Variants in C8orf34 observed in about 807,000 individuals in gnomAD.
The protein encoded by C8orf34 is chromosome 8 open reading frame 34, also known as uncharacterized protein C8orf34.
C8orf34 carries 65 observed loss-of-function variants against 68.3 expected under a neutral mutation model. The ratio of observed to expected loss-of-function variants is 0.95; its 90% CI spans 0.78 to 1.17. The LOEUF is 1.17. C8orf34 is among the 50% of genes most tolerant of loss of function. The pLI is 0.00. For synonymous variants in C8orf34, 244 were observed against 241.2 expected, an observed-to-expected ratio of 1.01 and a Z score of -0.11; for missense variants, 664 against 655.4, an observed-to-expected ratio of 1.01 and a Z score of -0.14.
chr8:68,595,120 T>A (rs906922933), intron 7 of C8orf34, among the ~76,000 whole-genome samples: 1 of 133,456 alleles, frequency 7.5e-6, no homozygotes. Flanking sequence ...TTAAAAATGG[T>A]AAAAAAAAAA....
At chr8:68,730,592 A>G (rs553118403) in intron 10 of C8orf34, among the ~76,000 whole-genome samples, 1 of 152,266 alleles carries the variant, frequency 6.6e-6, no homozygotes, top group Non-Finnish European at 1.5e-5. Flanking sequence ...ACATTTGCAT[A>G]GGGAAAAAAT....
chr8:68,604,573 T>C (rs1372061275), intron 7 of C8orf34, among the ~76,000 whole-genome samples: 1 of 152,138 alleles, frequency 6.6e-6, no homozygotes, highest in Non-Finnish European at 1.5e-5. Context: ...AACTGATCTT[T>C]GACAAAGATG....
rs7837452 is a variant in C8orf34, at chr8:68,732,211, G to C, written c.1404+10774G>C. On this transcript the variant is annotated intron_variant, in intron 10 of 13. Transcript: ENST00000518698. ...AGTTCTTAATACATTCCAGAGGAAG[G>C]CCATTAGGCATATTTACCAGGAATC... Among the ~76,000 whole-genome samples the C allele has an allele frequency of 5.9e-3, 895 of 152,284 alleles. 3 individuals are homozygous for C. Among genetic ancestry groups the C allele is most frequent in the African/African-American group, 0.02 (812 of 41,560 alleles).
At chr8:68,749,539 C>G (rs6982047) in intron 10 of C8orf34, among the ~76,000 whole-genome samples, 4 of 149,354 alleles carry the variant, frequency 2.7e-5, no homozygotes, top group African/African-American at 9.8e-5. Flanking sequence ...CATCATAATG[C>G]AGTTTGAAGA....
intron 3 of C8orf34, among the ~76,000 whole-genome samples, chr8:68,456,385 T>C (rs564687012): frequency 1.2e-3 from 184 of 152,292 alleles, no homozygotes; most frequent in African/African-American, 4.1e-3. Context: ...GAATGTAATA[T>C]CTTCAGTGCA....
At chr8:68,448,494 G>C (rs1474409069) in intron 3 of C8orf34, among the ~76,000 whole-genome samples, 1 of 152,104 alleles carries the variant, frequency 6.6e-6, no homozygotes, top group Admixed American at 6.6e-5. Flanking sequence ...ATGAGTTAAA[G>C]ATGCATTTTT....
At position 68,533,530 on chromosome 8, in the gene C8orf34, C is replaced by T. The variant is rs369686962; in HGVS notation, c.1105+381C>T. The T allele has an allele frequency of 5.5e-5, 54 of 987,294 alleles. 1 individual carries two copies. The East Asian group carries it at 5.5e-3, about 100-fold the overall frequency. The allele number at this position is 987,294 out of a possible 1,614,324, so 61.2% of individuals were successfully genotyped here. On this transcript the variant is annotated intron_variant, in intron 7 of 13. Coordinates refer to ENST00000518698, the MANE Select transcript of C8orf34 (RefSeq NM_052958.4). ...CCCAAAGTACATATTTCAGCCCTCACTCCAAAATGTCTACCTTTTATTTTG... is the reference window on the plus strand; with the variant it reads ...CCCAAAGTACATATTTCAGCCCTCATTCCAAAATGTCTACCTTTTATTTTG...
At chr8:68,746,544 A>C (rs1232978251) in intron 10 of C8orf34, among the ~76,000 whole-genome samples, 1 of 128,004 alleles carries the variant, frequency 7.8e-6, no homozygotes, top group Admixed American at 8.4e-5. Context: ...AAAAATGATA[A>C]AGGGGATATC....
At chr8:68,547,825 G>C (rs765928111) in intron 7 of C8orf34, among the ~76,000 whole-genome samples, 4 of 151,710 alleles carry the variant, frequency 2.6e-5, no homozygotes, top group Non-Finnish European at 4.4e-5. Flanking sequence ...TAATAATCAA[G>C]ACAATGTGGT....
intron 7 of C8orf34, among the ~76,000 whole-genome samples, chr8:68,586,294 T>C (rs555403162): frequency 2.6e-5 from 4 of 152,286 alleles, no homozygotes; most frequent in African/African-American, 4.8e-5. Context: ...CATTTATTGT[T>C]CTATGTGATT....
intron 7 of C8orf34, among the ~76,000 whole-genome samples, chr8:68,615,093 CTGT>C (rs1438691661): frequency 7.1e-6 from 1 of 141,348 alleles, no homozygotes; most frequent in Non-Finnish European, 1.5e-5. Flanking sequence ...CTCTGTTTGT[CTGT>C]TATTGGTGTA....
At chr8:68,335,962 C>G (rs1175808420) in intron 1 of C8orf34, among the ~76,000 whole-genome samples, 6 of 152,030 alleles carry the variant, frequency 3.9e-5, no homozygotes, top group African/African-American at 9.7e-5. Context: ...TGATGCACAC[C>G]TGTAATCCCA....
At chr8:68,435,257 A>G (rs984012526) in intron 1 of C8orf34, among the ~76,000 whole-genome samples, 5 of 151,620 alleles carry the variant, frequency 3.3e-5, no homozygotes, top group Non-Finnish European at 5.9e-5. Flanking sequence ...ATATTGGCTA[A>G]GACTTTTTGG....
chr8:68,570,379 G>A (rs1333731734), intron 7 of C8orf34, among the ~76,000 whole-genome samples: 1 of 152,152 alleles, frequency 6.6e-6, no homozygotes, highest in African/African-American at 2.4e-5. Flanking sequence ...CAGGAAACTC[G>A]TGTTCAACCT....
At chr8:68,731,495 G>T (rs896552303) in intron 10 of C8orf34, among the ~76,000 whole-genome samples, 1 of 152,058 alleles carries the variant, frequency 6.6e-6, no homozygotes, top group South Asian at 2.1e-4. Context: ...TATATCGAAT[G>T]AAAATTCCTT....
At chr8:68,478,962 TG>T (rs1812740767) in intron 4 of C8orf34, among the ~76,000 whole-genome samples, 1 of 152,194 alleles carries the variant, frequency 6.6e-6, no homozygotes, top group Admixed American at 6.5e-5. Flanking sequence ...GAAAGAACAC[TG>T]AATAAGTTAT....
chr8:68,509,049 T>C (rs368904720), intron 5 of C8orf34, among the ~76,000 whole-genome samples: 3 of 152,128 alleles, frequency 2.0e-5, no homozygotes, highest in African/African-American at 7.2e-5. Flanking sequence ...GGAGTTTTTC[T>C]GGGGACCCCT....
rs557724404 is a variant in C8orf34, at chr8:68,673,625, A to G, written c.1241+33114A>G. Among the ~76,000 whole-genome samples the G allele has an allele frequency of 1.1e-4, 17 of 152,272 alleles. No homozygotes were observed. The South Asian group carries it at 2.5e-3, about 22-fold the overall frequency. On this transcript the variant is annotated intron_variant, in intron 8 of 13. Coordinates refer to ENST00000518698, the MANE Select transcript of C8orf34 (RefSeq NM_052958.4). ...GGTGCTAGCTCATCCACAGTAGAATACAGCACCAAGTAGATTCCTATTCAA... is the reference window on the plus strand; with the variant it reads ...GGTGCTAGCTCATCCACAGTAGAATGCAGCACCAAGTAGATTCCTATTCAA...
chr8:68,358,531 A>G (rs920428416), intron 1 of C8orf34, among the ~76,000 whole-genome samples: 2 of 151,846 alleles, frequency 1.3e-5, no homozygotes, highest in African/African-American at 4.8e-5. Context: ...TTCCATGTTT[A>G]TTTGTTCAGT....
Sources: allele counts gnomAD v4.1 joint callset (sites outside exome capture counted in the v4.1 genomes callset), GRCh38; gene constraint gnomAD v4.1.1; transcripts MANE v1.5; gene names NCBI Gene and HGNC (gene_info 2026-07-23, HGNC 2026-07-21).